F13A1: variants seen among roughly 807,000 people sequenced by gnomAD.
F13A1 encodes the protein coagulation factor XIII A chain.
F13A1 carries 47 observed loss-of-function variants against 80.1 expected under a neutral mutation model. The observed-to-expected ratio is 0.59, with a 90% CI of 0.46 to 0.75. F13A1 has a LOEUF of 0.75. F13A1 is among the 30% of genes least tolerant of loss of function. F13A1 has a pLI of 0.00. For missense variants in F13A1, 817 were observed against 930.4 expected, an observed-to-expected ratio of 0.88 and a Z score of 1.59; for synonymous variants, 349 against 344.9, an observed-to-expected ratio of 1.01 and a Z score of -0.13.
intron 4 of F13A1, among the ~76,000 whole-genome samples, chr6:6,252,943 G>C (rs1757652889): frequency 6.6e-6 from 1 of 152,030 alleles, no homozygotes; most frequent in Non-Finnish European, 1.5e-5. Flanking sequence ...TGGATCACTT[G>C]AGGTCAGAAG....
rs571353496 is a variant in F13A1 at position 6,154,139 on chromosome 6, C to T, written c.1909-2190G>A. The stretch of plus-strand genomic sequence containing the variant: ...GACAACCAAAACTGTTTCGTACTGA[C>T]GTCCAAAAAAAAAAAAAAAAAACGG... On this transcript the variant is annotated intron_variant, in intron 13 of 14. Transcript: ENST00000264870. Among the ~76,000 whole-genome samples, 148 of 51,528 alleles carry T rather than the reference C, an allele frequency of 2.9e-3. 1 individual carries two copies. Among genetic ancestry groups the T allele is most frequent in the Middle Eastern group, 8.8e-3 (1 of 114 alleles). The allele number at this position is 51,528 out of a possible 152,430, so 33.8% of individuals were successfully genotyped here.
intron 3 of F13A1, among the ~76,000 whole-genome samples, chr6:6,300,893 T>C (rs1429161236): frequency 3.3e-5 from 5 of 152,234 alleles, no homozygotes; most frequent in Non-Finnish European, 5.9e-5. Flanking sequence ...TTTAGACATT[T>C]AGCTGATTGT....
chr6:6,258,006 A>AATTT (rs1561670638), intron 4 of F13A1, among the ~76,000 whole-genome samples: 1 of 151,830 alleles, frequency 6.6e-6, no homozygotes, highest in Admixed American at 6.6e-5. Context: ...TATCAACCTG[A>AATTT]ATTTATTTAT....
rs187027323 is a variant in F13A1 at position 6,318,563 on chromosome 6, G to T, written c.102C>A (p.Gly34=). 6.2e-7 allele frequency: 1 copy of T among 1,613,670 alleles called. No homozygotes were observed. Among genetic ancestry groups the T allele is most frequent in the Non-Finnish European group, 8.5e-7 (1 of 1,179,844 alleles). The change falls in exon 2 of 15, where the codon GGC becomes GGA. Residue 34 remains glycine (G), a synonymous_variant. Transcript: ENST00000264870. ...GCAGGTTGACGCCCCGGGGCACCAC[G>T]CCCTGAAGCTCCACTGTGGGCAGGT... ...EDDLPTVELQ[G]VVPRGVNLQE...
At chr6:6,169,529 C>T (rs1045925793) in intron 12 of F13A1, 2 of 153,936 alleles carry the variant, frequency 1.3e-5, no homozygotes, top group African/African-American at 4.8e-5. Flanking sequence ...AATTGAAAGG[C>T]CTGCATCCTG....
At position 6,253,902 on chromosome 6, in the gene F13A1, C is replaced by T. The variant is rs538172372; in HGVS notation, c.572-2973G>A. 1.8e-4 allele frequency among the ~76,000 whole-genome samples: 28 copies of T among 152,268 alleles called. No homozygotes were observed. In the South Asian group the frequency reaches 4.1e-3, roughly 23 times the overall value. On this transcript the variant is annotated intron_variant, in intron 4 of 14. Transcript: ENST00000264870. ...GTAAGAAAAAAAGTGTCAGTAAGAT[C>T]TCTTTATCCTACTATATACAAACTG...
chr6:6,155,984 A>G (rs1165588425), intron 13 of F13A1, among the ~76,000 whole-genome samples: 1 of 152,190 alleles, frequency 6.6e-6, no homozygotes, highest in Non-Finnish European at 1.5e-5. Flanking sequence ...CCTTCAGGCA[A>G]TTTAGAGAAG....
chr6:6,176,527 C>T (rs1032190545), intron 11 of F13A1, among the ~76,000 whole-genome samples: 5 of 152,132 alleles, frequency 3.3e-5, no homozygotes, highest in East Asian at 1.9e-4. Context: ...GCATTGCATA[C>T]GAATGTGAAT....
rs1038263277 is a variant in F13A1, at chr6:6,221,713, T to A, written c.1112+320A>T. Among the ~76,000 whole-genome samples, 3 of 152,358 alleles carry A rather than the reference T, an allele frequency of 2.0e-5. No homozygotes were observed. In the East Asian group the frequency reaches 5.8e-4, roughly 29 times the overall value. ...CCCAGAGAACGCTTGGCTCCAATAC[T>A]TCTGCTATTAACTGTAATATTAATA... On this transcript the variant is annotated intron_variant, in intron 8 of 14. Transcript: ENST00000264870.
At chr6:6,246,320 C>T (rs1031861905) in intron 6 of F13A1, among the ~76,000 whole-genome samples, 5 of 152,080 alleles carry the variant, frequency 3.3e-5, no homozygotes, top group African/African-American at 9.6e-5. Flanking sequence ...ATTATTAAAA[C>T]GGAACAGATT....
At chr6:6,146,304 G>T (rs1760278480) in intron 14 of F13A1, among the ~76,000 whole-genome samples, 1 of 152,186 alleles carries the variant, frequency 6.6e-6, no homozygotes, top group African/African-American at 2.4e-5. Context: ...GCTGCCATTT[G>T]ACTTTGAGAA....
At chr6:6,242,669 T>A (rs774779010) in intron 6 of F13A1, among the ~76,000 whole-genome samples, 1 of 152,222 alleles carries the variant, frequency 6.6e-6, no homozygotes, top group Non-Finnish European at 1.5e-5. Context: ...ACCTTAGTTT[T>A]CTGAATTGCA....
intron 13 of F13A1, 114 bp from the exon 14 acceptor site, chr6:6,152,063 A>G: frequency 8.4e-6 from 11 of 1,307,592 alleles, no homozygotes; most frequent in Admixed American, 3.9e-5. Flanking sequence ...TTTTTTGGCA[A>G]TGGAACCAGT....
intron 11 of F13A1, among the ~76,000 whole-genome samples, chr6:6,179,696 CA>C (rs1353614117): frequency 2.0e-5 from 3 of 152,166 alleles, no homozygotes; most frequent in Non-Finnish European, 4.4e-5. Context: ...CACTTGGGGT[CA>C]AACTCCAGCC....
At chr6:6,206,549 T>C (rs1333328014) in intron 8 of F13A1, 3 of 496,670 alleles carry the variant, frequency 6.0e-6, no homozygotes, top group Non-Finnish European at 1.2e-5. Flanking sequence ...TTGAGTGGAA[T>C]GAGGGCTTCA....
At chr6:6,167,965 A>C (rs564977452) in intron 12 of F13A1, among the ~76,000 whole-genome samples, 16 of 152,320 alleles carry the variant, frequency 1.1e-4, no homozygotes, top group African/African-American at 3.8e-4. Context: ...TTGGGCCGGG[A>C]TCATCCCAAA....
chr6:6,281,092 G>A (rs973562696), intron 3 of F13A1, among the ~76,000 whole-genome samples: 1 of 152,122 alleles, frequency 6.6e-6, no homozygotes, highest in Admixed American at 6.6e-5. Flanking sequence ...TCGTTCTAAG[G>A]GAACTGGTCT....
At chr6:6,223,892 A>G (rs1322148409) in intron 7 of F13A1, among the ~76,000 whole-genome samples, 1 of 152,222 alleles carries the variant, frequency 6.6e-6, no homozygotes, top group Non-Finnish European at 1.5e-5. Flanking sequence ...ATGTTTCTCC[A>G]AGGCTGTAGA....
rs988645881 is a variant in F13A1 at position 6,305,469 on chromosome 6, A to T, written c.201T>A (p.Thr67=). Residue 67 remains threonine (T), a synonymous_variant, in exon 3 of 15, where the codon ACT becomes ACA. Coordinates refer to ENST00000264870, the MANE Select transcript of F13A1 (RefSeq NM_000129.4). The part of the protein sequence containing the change: ...RWDTNKVDHH[T]DKYENNKLIV... ...TCAGCTTGTTGTTTTCATACTTGTC[A>T]GTGTGGTGGTCCACCTTGTTAGTGT... 2 of 1,614,250 alleles carry T rather than the reference A, an allele frequency of 1.2e-6. No individual in the cohort carries two copies. The highest frequency in any genetic ancestry group is 3.3e-5 in the Admixed American group (2 of 60,030).
Sources: gnomAD v4.1 joint callset for allele counts (sites outside exome capture counted in the v4.1 genomes callset) on GRCh38, gnomAD v4.1.1 for gene constraint, MANE v1.5 for transcripts, NCBI Gene and HGNC (gene_info 2026-07-23, HGNC 2026-07-21) for gene names.